ZNF800: variants seen among roughly 807,000 people sequenced by gnomAD.
ZNF800 encodes zinc finger protein 800.
In ZNF800, 13 loss-of-function variants were observed where a neutral mutation model predicts 59.5. That is an observed-to-expected ratio of 0.22 (90% CI 0.14 to 0.35). The LOEUF (loss-of-function observed/expected upper bound fraction) is 0.35, where lower values mean the gene tolerates loss of function less well. Among genes scored for constraint, ZNF800 ranks in the 10% least tolerant of loss-of-function variants. The pLI is 1.00. For missense variants in ZNF800, 621 were observed against 783.7 expected (o/e 0.79, Z 2.48); for synonymous variants, 266 against 265.7 (o/e 1.00, Z -0.01).
downstream of ZNF800, among the ~76,000 whole-genome samples, chr7:127,365,580 T>C (rs370962300): frequency 6.6e-6 from 1 of 152,020 alleles, no homozygotes; most frequent in East Asian, 1.9e-4. Context: ...TGTCCTGAGT[T>C]TTGCTATTCA....
chr7:127,361,929 G>A (rs1355853096), intron 1 of ZNF800: 1 of 152,066 alleles, frequency 6.6e-6, no homozygotes, highest in African/African-American at 2.4e-5. Flanking sequence ...AGGCAAAACT[G>A]CTGATACCAA....
intron 1 of ZNF800, chr7:127,359,693 C>T (rs939683948): frequency 6.6e-6 from 1 of 151,902 alleles, no homozygotes; most frequent in Non-Finnish European, 1.5e-5. Flanking sequence ...CTCAGAGGAC[C>T]ATAGCTGACA....
intron 4 of ZNF800, among the ~76,000 whole-genome samples, chr7:127,375,467 T>G (rs1041469474): frequency 1.3e-5 from 2 of 152,148 alleles, no homozygotes; most frequent in Admixed American, 6.5e-5. Context: ...TTAGAAAACA[T>G]AACAGCATTC....
chr7:127,380,073 C>T (rs17865002), intron 3 of ZNF800, among the ~76,000 whole-genome samples: 3,410 of 152,078 alleles, frequency 0.022, 130 homozygotes, highest in African/African-American at 0.076. Context: ...TCCTTCAGAT[C>T]CCAGTATAGA....
intron 1 of ZNF800, 91 bp downstream of exon 1, chr7:127,391,969 G>T: frequency 2.6e-6 from 1 of 379,578 alleles, no homozygotes; most frequent in Non-Finnish European, 4.7e-6. Context: ...CCCGCCGGCT[G>T]CTGGCCCACG....
At chr7:127,369,372 A>G (rs1002173388), downstream of ZNF800, among the ~76,000 whole-genome samples, 1 of 152,078 alleles carries the variant, frequency 6.6e-6, no homozygotes, top group Non-Finnish European at 1.5e-5. Context: ...AATCACCTAA[A>G]TATGTGTTTA....
intron 5 of ZNF800, 56 bp downstream of exon 5, chr7:127,373,286 T>C: frequency 7.3e-7 from 1 of 1,366,692 alleles, no homozygotes; most frequent in Non-Finnish European, 9.6e-7. Flanking sequence ...GGTCAAATGA[T>C]TTTTTTTTTA....
At chr7:127,345,627 G>C (rs998824325), downstream of ZNF800, among the ~76,000 whole-genome samples, 7 of 152,192 alleles carry the variant, frequency 4.6e-5, no homozygotes, top group Admixed American at 3.9e-4. Flanking sequence ...GGGCAATAAA[G>C]AGAGGAGCAT....
At chr7:127,369,905 A>C (rs531221363), downstream of ZNF800, 1 of 152,214 alleles carries the variant, frequency 6.6e-6, no homozygotes, top group Non-Finnish European at 1.5e-5. Flanking sequence ...GCTGGCATAC[A>C]AATGAGAGGA....
chr7:127,373,926 T>C lies in ZNF800; in HGVS notation c.1410A>G (p.Gln470=), dbSNP rs190297803. The C allele has an allele frequency of 6.2e-6, 10 of 1,614,234 alleles. No individual in the cohort carries two copies. Among genetic ancestry groups the C allele is most frequent in the African/African-American group, 2.7e-5 (2 of 75,074 alleles). Residue 470 remains glutamine, a synonymous_variant, in exon 5 of 6, where the codon CAA becomes CAG. Transcript: ENST00000265827. Reference sequence around the variant, plus strand: ...CTGAAAGTTTTGGTTTTCTGGTTTTTTGCTGGCCACCTGCAGCCGACGGAC... The same window carrying C: ...CTGAAAGTTTTGGTTTTCTGGTTTTCTGCTGGCCACCTGCAGCCGACGGAC... ...STSPSAAGGQ[Q]KTRKPKLSAG...
At chr7:127,367,384 TGTAA>T (rs560362045), downstream of ZNF800, among the ~76,000 whole-genome samples, 150 of 152,278 alleles carry the variant, frequency 9.9e-4, 1 homozygote, top group African/African-American at 3.4e-3. Flanking sequence ...AGATGACTAG[TGTAA>T]GTTTCTTACC....
intron 3 of ZNF800, among the ~76,000 whole-genome samples, chr7:127,382,025 A>G (rs984879982): frequency 2.0e-5 from 3 of 152,178 alleles, no homozygotes; most frequent in Non-Finnish European, 2.9e-5. Context: ...TCATTACCAT[A>G]CAATTAAAGT....
At chr7:127,364,986 C>G (rs1007223163) in intron 1 of ZNF800, among the ~76,000 whole-genome samples, 4 of 152,084 alleles carry the variant, frequency 2.6e-5, no homozygotes, top group Non-Finnish European at 5.9e-5. Flanking sequence ...AAAGCACAAT[C>G]AATCAACAAT....
chr7:127,371,645 T>C lies in ZNF800; in HGVS notation c.*169A>G, dbSNP rs748048418. The C allele has an allele frequency of 2.0e-6, 1 of 510,376 alleles. No homozygotes were observed. Among genetic ancestry groups the C allele is most frequent in the Non-Finnish European group, 3.5e-6 (1 of 283,850 alleles). The allele number at this position is 510,376 out of a possible 1,614,324, so 31.6% of individuals were successfully genotyped here. ...TAGGCAGTGCCTTAGAAACAAGTGG[T>C]TAGATGGTTATTTTAGTCAGAAAAC... On this transcript the variant is annotated 3_prime_UTR_variant, in exon 6 of 6. Transcript: ENST00000265827.
chr7:127,364,359 C>T (rs1800458909), intron 1 of ZNF800: 1 of 152,084 alleles, frequency 6.6e-6, no homozygotes, highest in Non-Finnish European at 1.5e-5. Context: ...AAAATATTTA[C>T]TGAATGCGTA....
intron 3 of ZNF800, among the ~76,000 whole-genome samples, chr7:127,383,515 G>A (rs568497849): frequency 1.3e-5 from 2 of 152,166 alleles, no homozygotes; most frequent in South Asian, 2.1e-4. Context: ...TTGAGGGTGT[G>A]CTTAGGAGTA....
intron 3 of ZNF800, among the ~76,000 whole-genome samples, chr7:127,382,861 C>A (rs1562908862): frequency 6.6e-6 from 1 of 152,150 alleles, no homozygotes; most frequent in African/African-American, 2.4e-5. Context: ...AGCAGCGTTG[C>A]CTGAGCAAAG....
rs1362443826 is a variant in ZNF800, at chr7:127,391,522, G to A, written c.36C>T (p.His12=). ...CTGGTTCACAGCATCCGTGATGATG[G>A]TGGTCAGTCTGACAGTATTTGTCCC... The part of the protein sequence containing the change: ...PLRDKYCQTD[H]HHHGCCEPVY... Residue 12 remains histidine (H), a synonymous_variant, in exon 2 of 6, where the codon CAC becomes CAT. Transcript: ENST00000265827. 3.7e-6 allele frequency: 6 copies of A among 1,614,058 alleles called. No individual in the cohort carries two copies. In the Admixed American group the frequency reaches 8.3e-5, roughly 22 times the overall value.
intron 2 of ZNF800, among the ~76,000 whole-genome samples, chr7:127,386,541 C>T (rs567618830): frequency 2.0e-5 from 3 of 152,196 alleles, no homozygotes; most frequent in South Asian, 2.1e-4. Flanking sequence ...GGCCTAGCCA[C>T]GCTTCATAAA....
Sources: gnomAD v4.1 joint callset for allele counts (sites outside exome capture counted in the v4.1 genomes callset) on GRCh38, gnomAD v4.1.1 for gene constraint, MANE v1.5 for transcripts, NCBI Gene and HGNC (gene_info 2026-07-23, HGNC 2026-07-21) for gene names.